PMP22: variants seen among roughly 807,000 people sequenced by gnomAD.
PMP22 encodes the protein Charcot-Marie-Tooth neuropathy 1A (greatly reduced nerve conduction velocity, hereditary motor sensory neuropathy Ia).
A neutral mutation model predicts 18.9 loss-of-function variants in PMP22; 2 were observed. The observed-to-expected ratio is 0.11, with a 90% CI of 0.04 to 0.33. PMP22 has a LOEUF of 0.33. PMP22 is among the 10% of genes least tolerant of loss of function. PMP22 has a pLI of 1.00. For synonymous variants in PMP22, 95 were observed against 89.2 expected, an observed-to-expected ratio of 1.07 and a Z score of -0.37; for missense variants, 169 against 202.2, an observed-to-expected ratio of 0.84 and a Z score of 1.00.
intron 2 of PMP22, among the ~76,000 whole-genome samples, chr17:15,259,938 CAAAA>C (rs61415317): frequency 8.2e-5 from 8 of 97,870 alleles, no homozygotes; most frequent in African/African-American, 1.8e-4. Flanking sequence ...GACTCCATCT[CAAAA>C]AAAAAAAAAA....
chr17:15,242,228 G>A (rs927263865), intron 3 of PMP22, among the ~76,000 whole-genome samples: 40 of 139,690 alleles, frequency 2.9e-4, no homozygotes, highest in African/African-American at 1.1e-3. Flanking sequence ...ACTCCAGCCT[G>A]GGCACAGAGA....
At position 15,230,546 on chromosome 17, in the gene PMP22, G is replaced by A; in HGVS notation, c.*371C>T. ...TCAGATGAAAGGGAAGGGGCGAGAT[G>A]GAGTTATCTTATTTCTGGGTAAAAC... On this transcript the variant is annotated 3_prime_UTR_variant, in exon 5 of 5. Coordinates refer to ENST00000312280, the MANE Select transcript of PMP22 (RefSeq NM_000304.4). The A allele has an allele frequency of 4.2e-6, 1 of 240,682 alleles. No homozygotes were observed. The highest frequency in any genetic ancestry group is 8.3e-6 in the Non-Finnish European group (1 of 121,068). 14.9% of individuals were successfully genotyped at this position (240,682 alleles called of 1,614,324 possible).
chr17:15,235,627 T>A (rs1234758782), intron 4 of PMP22, among the ~76,000 whole-genome samples: 1 of 152,144 alleles, frequency 6.6e-6, no homozygotes, highest in East Asian at 1.9e-4. Context: ...TTAGGGACAG[T>A]TTAATGGCTA....
chr17:15,252,403 TGCTGCTGCTGC>T, intron 3 of PMP22, among the ~76,000 whole-genome samples: 1 of 27,444 alleles, frequency 3.6e-5, no homozygotes, highest in African/African-American at 3.3e-4. Flanking sequence ...CTGTTGCTGC[TGCTGCTGCTGC>T]TGCTGCTGCT....
At chr17:15,233,179 T>G (rs1906500439) in intron 4 of PMP22, among the ~76,000 whole-genome samples, 1 of 152,202 alleles carries the variant, frequency 6.6e-6, no homozygotes, top group Non-Finnish European at 1.5e-5. Context: ...GTAAGTGGAC[T>G]GTGACTCACT....
intron 3 of PMP22, among the ~76,000 whole-genome samples, chr17:15,243,888 G>A (rs980668742): frequency 3.3e-5 from 5 of 151,180 alleles, no homozygotes; most frequent in Non-Finnish European, 5.9e-5. Context: ...TGTTAATCAT[G>A]AAAGAAAAAT....
intron 4 of PMP22, among the ~76,000 whole-genome samples, chr17:15,233,198 A>C (rs988219602): frequency 6.6e-6 from 1 of 152,186 alleles, no homozygotes; most frequent in Non-Finnish European, 1.5e-5. Flanking sequence ...CTTTCTCAGC[A>C]ACCAGTAGGT....
At chr17:15,254,745 G>A (rs1011349202) in intron 3 of PMP22, among the ~76,000 whole-genome samples, 3 of 152,064 alleles carry the variant, frequency 2.0e-5, no homozygotes, top group Non-Finnish European at 4.4e-5. Context: ...ATCACCTGAG[G>A]TCGGGAGTTC....
At chr17:15,262,271 G>A (rs772257687) in intron 1 of PMP22, among the ~76,000 whole-genome samples, 4 of 152,226 alleles carry the variant, frequency 2.6e-5, no homozygotes, top group Non-Finnish European at 4.4e-5. Context: ...AAGACCCATT[G>A]GAGGGAAACA....
At position 15,232,360 on chromosome 17, in the gene PMP22, GCC is replaced by G. The variant is rs1906432388; in HGVS notation, c.320-1282_320-1281del. 3 of 152,322 alleles carry G rather than the reference GCC, an allele frequency of 2.0e-5. No individual in the cohort carries two copies. The South Asian group carries it at 6.2e-4, about 32-fold the overall frequency. 9.4% of individuals were successfully genotyped at this position (152,322 alleles called of 1,614,324 possible). ...CAAAATGGGACAGCATCCAGGACCT[GCC>G]ACCTACAGGAAGTTCAGAAGACAGC... On this transcript the variant is annotated intron_variant, in intron 4 of 4. Transcript: ENST00000312280.
At chr17:15,242,274 A>AG (rs1221787067) in intron 3 of PMP22, among the ~76,000 whole-genome samples, 2 of 149,634 alleles carry the variant, frequency 1.3e-5, no homozygotes, top group African/African-American at 2.5e-5. Flanking sequence ...AAAAAAAAAA[A>AG]AGAGAGACAT....
intron 4 of PMP22, among the ~76,000 whole-genome samples, chr17:15,234,732 G>A (rs1360694871): frequency 2.0e-5 from 3 of 152,096 alleles, no homozygotes; most frequent in African/African-American, 7.2e-5. Flanking sequence ...ATTTCTAAAT[G>A]TGGTATTTGA....
At chr17:15,237,479 T>C (rs542938272) in intron 4 of PMP22, among the ~76,000 whole-genome samples, 1 of 152,340 alleles carries the variant, frequency 6.6e-6, no homozygotes, top group South Asian at 2.1e-4. Context: ...CAGGCTTGTA[T>C]TCATCACAGA....
chr17:15,263,581 G>GCACACACACA (rs1252164081), intron 1 of PMP22, among the ~76,000 whole-genome samples: 1 of 87,300 alleles, frequency 1.1e-5, no homozygotes, highest in African/African-American at 7.1e-5. Flanking sequence ...ACGCACGCGC[G>GCACACACACA]CGCACACACA....
At chr17:15,260,938 C>T (rs996981442) in intron 1 of PMP22, 177 bp from the exon 2 acceptor site, 9 of 391,732 alleles carry the variant, frequency 2.3e-5, no homozygotes, top group Non-Finnish European at 3.6e-5. Context: ...GGGCAGCAGC[C>T]GCCTGCAGGA....
intron 4 of PMP22, among the ~76,000 whole-genome samples, chr17:15,237,314 T>C (rs545433631): frequency 1.3e-5 from 2 of 152,314 alleles, no homozygotes; most frequent in South Asian, 4.1e-4. Flanking sequence ...AATGATGTAA[T>C]GATGTTGCTA....
At chr17:15,248,366 T>C (rs1262872208) in intron 3 of PMP22, among the ~76,000 whole-genome samples, 1 of 152,194 alleles carries the variant, frequency 6.6e-6, no homozygotes, top group African/African-American at 2.4e-5. Context: ...AACTGCTCAG[T>C]AAGTGGAAGG....
intron 3 of PMP22, among the ~76,000 whole-genome samples, chr17:15,240,573 C>T (rs1264718980): frequency 2.6e-5 from 4 of 152,018 alleles, no homozygotes; most frequent in African/African-American, 9.7e-5. Context: ...GAAGACAGAG[C>T]CTCCTATGGT....
intron 3 of PMP22, among the ~76,000 whole-genome samples, chr17:15,252,620 C>A (rs78262702): frequency 0.016 from 2,442 of 152,300 alleles, 66 homozygotes; most frequent in African/African-American, 0.055. Flanking sequence ...CTCAACAATT[C>A]CCTTCATGCT....
Sources: allele counts gnomAD v4.1 joint callset (sites outside exome capture counted in the v4.1 genomes callset), GRCh38; gene constraint gnomAD v4.1.1; transcripts MANE v1.5; gene names NCBI Gene and HGNC (gene_info 2026-07-23, HGNC 2026-07-21).